YIPF7: variants seen among roughly 807,000 people sequenced by gnomAD.
YIPF7 encodes the protein Yip1 domain family member 7.
In YIPF7, 35 loss-of-function variants were observed where a neutral mutation model predicts 27.2. That is an observed-to-expected ratio of 1.29 (90% CI 0.98 to 1.70). YIPF7 has a LOEUF of 1.70. Ranked by LOEUF, YIPF7 falls within the 40% of genes most tolerant of loss-of-function variation. The pLI, the probability that YIPF7 is intolerant of heterozygous loss-of-function variation, is 0.00. For missense variants in YIPF7, 358 were observed against 303.7 expected (o/e 1.18, Z -1.33); for synonymous variants, 137 against 110.4 (o/e 1.24, Z -1.51).
upstream of YIPF7, among the ~76,000 whole-genome samples, chr4:44,652,083 T>C (rs1488901380): frequency 6.6e-6 from 1 of 152,202 alleles, no homozygotes; most frequent in African/African-American, 2.4e-5. Context: ...AATTACAGTC[T>C]GCCTCTGACT....
intron 3 of YIPF7, among the ~76,000 whole-genome samples, chr4:44,631,759 T>G (rs1345374959): frequency 6.6e-6 from 1 of 152,158 alleles, no homozygotes; most frequent in Non-Finnish European, 1.5e-5. Flanking sequence ...TCTAACGTAA[T>G]TTTTGAAAGA....
chr4:44,624,571 TG>T, intron 5 of YIPF7, 29 bp downstream of exon 5: 1 of 1,536,904 alleles, frequency 6.5e-7, no homozygotes, highest in Non-Finnish European at 8.8e-7. Flanking sequence ...ATTGTGCATG[TG>T]GGGTCATTGA....
At position 44,622,448 on chromosome 4, in the gene YIPF7, A is replaced by G. The variant is rs751920683; in HGVS notation, c.737T>C (p.Leu246Pro). The change falls in exon 6 of 6, where the codon CTT (leucine) becomes CCT (proline). Residue 246 changes from leucine (L) to proline (P), a missense_variant. Coordinates refer to ENST00000415895, the MANE Select transcript of YIPF7 (RefSeq NM_182592.3). ...QLLVAYPCAI[L>P]YGLFALLTIF Reference sequence around the variant, plus strand: ...TGTTAGGAGGGCAAAAAGTCCATAAAGTATGGCACAAGGGTAGGCAACAAG... The same window carrying G: ...TGTTAGGAGGGCAAAAAGTCCATAAGGTATGGCACAAGGGTAGGCAACAAG... 2 of 1,613,728 alleles carry G rather than the reference A, an allele frequency of 1.2e-6. No homozygotes were observed. The highest frequency in any genetic ancestry group is 2.2e-5 in the East Asian group (1 of 44,830).
At chr4:44,657,120 C>A (rs1713922048) in intron 2 of YIPF7, among the ~76,000 whole-genome samples, 1 of 152,058 alleles carries the variant, frequency 6.6e-6, no homozygotes, top group South Asian at 2.1e-4. Flanking sequence ...TTATGATCAG[C>A]AGGTGAGAAT....
chr4:44,641,479 A>T (rs1713323657), intron 2 of YIPF7, among the ~76,000 whole-genome samples: 1 of 152,222 alleles, frequency 6.6e-6, no homozygotes, highest in African/African-American at 2.4e-5. Flanking sequence ...GGAAAGAAAC[A>T]TAGAGCTGCC....
intron 4 of YIPF7, among the ~76,000 whole-genome samples, chr4:44,628,959 T>C (rs1712772626): frequency 1.3e-5 from 2 of 152,148 alleles, no homozygotes; most frequent in African/African-American, 4.8e-5. Flanking sequence ...GAGATCTGTC[T>C]CGTACCTCAT....
chr4:44,647,475 C>T (rs1380476376), intron 2 of YIPF7, among the ~76,000 whole-genome samples: 1 of 152,132 alleles, frequency 6.6e-6, no homozygotes, highest in Non-Finnish European at 1.5e-5. Context: ...CAAAACAGAA[C>T]AGAGCTTAAA....
chr4:44,649,407 A>T (rs1713645375), intron 2 of YIPF7, among the ~76,000 whole-genome samples: 1 of 152,158 alleles, frequency 6.6e-6, no homozygotes, highest in African/African-American at 2.4e-5. Context: ...ATGTTGAGGC[A>T]AATGTTGGCT....
intron 3 of YIPF7, among the ~76,000 whole-genome samples, chr4:44,630,104 G>A (rs932916822): frequency 2.0e-5 from 3 of 152,174 alleles, no homozygotes; most frequent in African/African-American, 7.2e-5. Flanking sequence ...GAGTAGCTGA[G>A]ACTATAGGCA....
At chr4:44,644,486 G>C (rs1713454253) in intron 2 of YIPF7, among the ~76,000 whole-genome samples, 1 of 152,186 alleles carries the variant, frequency 6.6e-6, no homozygotes, top group African/African-American at 2.4e-5. Context: ...CTGCACTGCT[G>C]GGTTTTAAAC....
At chr4:44,652,314 C>A (rs1713762424), upstream of YIPF7, among the ~76,000 whole-genome samples, 1 of 152,134 alleles carries the variant, frequency 6.6e-6, no homozygotes, top group Non-Finnish European at 1.5e-5. Flanking sequence ...ACCCAGGTAA[C>A]CTAGCTAATA....
intron 2 of YIPF7, among the ~76,000 whole-genome samples, chr4:44,636,891 A>G (rs765623336): frequency 2.0e-5 from 3 of 152,152 alleles, no homozygotes; most frequent in Non-Finnish European, 4.4e-5. Context: ...CTAATTTATC[A>G]TCACTCCTCT....
intron 2 of YIPF7, among the ~76,000 whole-genome samples, chr4:44,638,489 C>T (rs1354583124): frequency 6.6e-6 from 1 of 152,018 alleles, no homozygotes; most frequent in Non-Finnish European, 1.5e-5. Context: ...CAGGGAAATG[C>T]AAATCAAAAC....
At chr4:44,651,775 A>G, upstream of YIPF7, 1 of 457,814 alleles carries the variant, frequency 2.2e-6, no homozygotes, top group Non-Finnish European at 3.8e-6. Context: ...AACACAGTGA[A>G]CAGTGTTACA....
intron 2 of YIPF7, among the ~76,000 whole-genome samples, chr4:44,638,017 A>C (rs1713187917): frequency 6.6e-6 from 1 of 152,144 alleles, no homozygotes; most frequent in Non-Finnish European, 1.5e-5. Flanking sequence ...AATTCCCATC[A>C]AAAAGTGGGG....
chr4:44,634,951 G>C (rs765766217), intron 3 of YIPF7, among the ~76,000 whole-genome samples: 1 of 152,170 alleles, frequency 6.6e-6, no homozygotes, highest in Non-Finnish European at 1.5e-5. Context: ...GGCTTCTAAA[G>C]AGCCAATAGA....
At chr4:44,634,156 A>G (rs969002136) in intron 3 of YIPF7, among the ~76,000 whole-genome samples, 1 of 152,234 alleles carries the variant, frequency 6.6e-6, no homozygotes, top group Non-Finnish European at 1.5e-5. Flanking sequence ...AATTACGGTT[A>G]TGTTATATGA....
At position 44,650,026 on chromosome 4, in the gene YIPF7, A is replaced by G. The variant is rs1280608709; in HGVS notation, c.75T>C (p.Gly25=). The G allele has an allele frequency of 3.8e-6, 6 of 1,589,578 alleles. No individual in the cohort carries two copies. The highest frequency in any genetic ancestry group is 8.6e-7 in the Non-Finnish European group (1 of 1,166,478). ...GATTTCCATAGGCATTAGAGTCATT[A>G]CCACTCTGCTCCTGGTTATCAATAG... The part of the protein sequence containing the change: ...NFTIDNQEQS[G]NDSNAYGNLY... The change falls in exon 2 of 6, where the codon GGT becomes GGC. Residue 25 remains glycine (G), a synonymous_variant. Transcript: ENST00000415895.
intron 3 of YIPF7, among the ~76,000 whole-genome samples, chr4:44,630,824 C>T (rs376337861): frequency 8.5e-5 from 13 of 152,090 alleles, no homozygotes; most frequent in African/African-American, 2.7e-4. Flanking sequence ...CTTTTCTCAC[C>T]GCTTCTGTAG....
Sources: allele counts gnomAD v4.1 joint callset (sites outside exome capture counted in the v4.1 genomes callset), GRCh38; gene constraint gnomAD v4.1.1; transcripts MANE v1.5; gene names NCBI Gene and HGNC (gene_info 2026-07-23, HGNC 2026-07-21).